Variants in MARK1 observed in about 807,000 individuals in gnomAD.
The protein encoded by MARK1 is serine/threonine-protein kinase MARK1.
In MARK1, 40 loss-of-function variants were observed where a neutral mutation model predicts 96.3. The observed-to-expected ratio is 0.42, with a 90% CI of 0.32 to 0.54. The LOEUF (loss-of-function observed/expected upper bound fraction) is 0.54, where lower values mean the gene tolerates loss of function less well. MARK1 is among the 20% of genes least tolerant of loss of function. The pLI is 0.16. For missense variants in MARK1, 719 were observed against 984.6 expected (o/e 0.73, Z 3.61); for synonymous variants, 317 against 341.2 (o/e 0.93, Z 0.78).
chr1:220,664,450 A>G lies in MARK1; in HGVS notation c.*2284A>G, dbSNP rs1669636378. On this transcript the variant is annotated 3_prime_UTR_variant, in exon 18 of 18. Coordinates refer to ENST00000366917, the MANE Select transcript of MARK1 (RefSeq NM_018650.5). ...TGACATCCCTTATATTAAATTAATT[A>G]TTTTGTAGAAACTGGGGCACAGCAT... 4 of 152,116 alleles carry G rather than the reference A, an allele frequency of 2.6e-5. No individual in the cohort carries two copies. Among genetic ancestry groups the G allele is most frequent in the Admixed American group, 2.6e-4 (4 of 15,292 alleles). 9.4% of individuals were successfully genotyped at this position (152,116 alleles called of 1,614,324 possible).
intron 3 of MARK1, among the ~76,000 whole-genome samples, chr1:220,592,962 A>T (rs1342595337): frequency 6.6e-6 from 1 of 152,222 alleles, no homozygotes; most frequent in Non-Finnish European, 1.5e-5. Context: ...AAATAAATAA[A>T]ATTTTAACAA....
chr1:220,552,859 C>T (rs1197522545), intron 1 of MARK1, among the ~76,000 whole-genome samples: 1 of 152,188 alleles, frequency 6.6e-6, no homozygotes, highest in Admixed American at 6.5e-5. Flanking sequence ...ACTCCACCCC[C>T]TGCCGCCTGC....
intron 1 of MARK1, among the ~76,000 whole-genome samples, chr1:220,544,405 G>A (rs1223843415): frequency 6.6e-6 from 1 of 152,154 alleles, no homozygotes; most frequent in South Asian, 2.1e-4. Flanking sequence ...TCTCGATAGT[G>A]GGTTGTTATA....
At chr1:220,598,665 T>A (rs12076169) in intron 4 of MARK1, among the ~76,000 whole-genome samples, 6,553 of 151,994 alleles carry the variant, frequency 0.043, 445 homozygotes, top group African/African-American at 0.15. Context: ...CAATTTTTTT[T>A]AATTTCCTAA....
intron 1 of MARK1, among the ~76,000 whole-genome samples, chr1:220,535,626 C>T (rs1660633412): frequency 6.6e-6 from 1 of 152,104 alleles, no homozygotes; most frequent in African/African-American, 2.4e-5. Flanking sequence ...ATGTTTTCTT[C>T]TAGGGATTTT....
chr1:220,554,285 C>G (rs1020909170), intron 1 of MARK1, among the ~76,000 whole-genome samples: 3 of 152,086 alleles, frequency 2.0e-5, no homozygotes, highest in Non-Finnish European at 4.4e-5. Flanking sequence ...GTGTGATTTC[C>G]TATAGAAGGA....
intron 6 of MARK1, 26 bp downstream of exon 6, chr1:220,604,163 T>C (rs1426439331): frequency 6.5e-7 from 1 of 1,533,856 alleles, no homozygotes; most frequent in South Asian, 1.1e-5. Flanking sequence ...TTCAACTTTG[T>C]TTTGCTGATA....
intron 6 of MARK1, among the ~76,000 whole-genome samples, chr1:220,609,679 G>T (rs1394341299): frequency 6.6e-6 from 1 of 152,180 alleles, no homozygotes; most frequent in Non-Finnish European, 1.5e-5. Flanking sequence ...GCATGTTTTT[G>T]TAGTGGCTGG....
chr1:220,579,808 A>C (rs1443475773), intron 2 of MARK1, among the ~76,000 whole-genome samples: 1 of 152,198 alleles, frequency 6.6e-6, no homozygotes, highest in Non-Finnish European at 1.5e-5. Context: ...CTTTCCTCAG[A>C]TTCTGACTTT....
rs760851415 is a variant in MARK1 at position 220,654,987 on chromosome 1, G to T, written c.1988+1635G>T. On this transcript the variant is annotated intron_variant, in intron 16 of 17. Transcript: ENST00000366917. This position sits in a 1 kb window ranked among gnomAD's most constrained non-coding sequence, Gnocchi z 4.0. ...ACACATATGTGGAGACCTACTACAC[G>T]CAAGGCCCTTTTGTAGGAGCTATTG... Among the ~76,000 whole-genome samples the T allele has an allele frequency of 6.6e-6, 1 of 152,198 alleles. No homozygotes were observed. The highest frequency in any genetic ancestry group is 2.4e-5 in the African/African-American group (1 of 41,444).
Position 220,580,775 on chromosome 1 carries a change from G to A in MARK1, c.256-290G>A, listed in dbSNP as rs150116716. The stretch of plus-strand genomic sequence containing the variant: ...CCTATAATTGTTGCTTATCAAGATC[G>A]TGAGTAAAAGGTTAAGATACAGGAT... On this transcript the variant is annotated intron_variant, in intron 2 of 17. Transcript: ENST00000366917. Among the ~76,000 whole-genome samples the A allele has an allele frequency of 3.7e-3, 568 of 152,276 alleles. 6 individuals carry two copies. Among genetic ancestry groups the A allele is most frequent in the Middle Eastern group, 0.034 (10 of 294 alleles).
At chr1:220,591,729 G>A (rs1223596504) in intron 3 of MARK1, among the ~76,000 whole-genome samples, 1 of 152,020 alleles carries the variant, frequency 6.6e-6, no homozygotes, top group East Asian at 1.9e-4. Context: ...TTTCATGTAG[G>A]GCCAAAGCTT....
chr1:220,605,481 ATTTATTTTATTTTAT>A (rs368555141), intron 6 of MARK1, among the ~76,000 whole-genome samples: 15 of 151,202 alleles, frequency 9.9e-5, no homozygotes, highest in Admixed American at 3.9e-4. Flanking sequence ...TTAAATTTTT[ATTTATTTTATTTTAT>A]TTTATTTTAT....
At chr1:220,540,729 T>TC (rs397786271) in intron 1 of MARK1, among the ~76,000 whole-genome samples, 2 of 151,958 alleles carry the variant, frequency 1.3e-5, no homozygotes, top group East Asian at 1.9e-4. Context: ...TATCTTTTTT[T>TC]CTTAGTCAAA....
chr1:220,540,532 GC>G (rs1401977118), intron 1 of MARK1, among the ~76,000 whole-genome samples: 1 of 152,054 alleles, frequency 6.6e-6, no homozygotes, highest in African/African-American at 2.4e-5. Flanking sequence ...GCATTCCTCA[GC>G]CCAGTCAAAT....
intron 1 of MARK1, among the ~76,000 whole-genome samples, chr1:220,541,085 A>T (rs1485138855): frequency 6.6e-6 from 1 of 151,912 alleles, no homozygotes; most frequent in African/African-American, 2.4e-5. Context: ...GGTGCCTGCC[A>T]CCATACCTGG....
intron 1 of MARK1, among the ~76,000 whole-genome samples, chr1:220,567,873 C>T (rs1663168411): frequency 6.6e-6 from 1 of 152,162 alleles, no homozygotes; most frequent in Non-Finnish European, 1.5e-5. Flanking sequence ...AGCTTATCCT[C>T]TTAATTACCA....
At chr1:220,624,061 G>T (rs1572192075) in intron 9 of MARK1, among the ~76,000 whole-genome samples, 2 of 152,140 alleles carry the variant, frequency 1.3e-5, no homozygotes, top group Non-Finnish European at 2.9e-5. Flanking sequence ...ACTTTGGGAG[G>T]CCCAAGGGGG....
chr1:220,642,832 G>A (rs747445751), intron 13 of MARK1, among the ~76,000 whole-genome samples: 3 of 152,176 alleles, frequency 2.0e-5, no homozygotes, highest in Non-Finnish European at 4.4e-5. Context: ...ACGGTCTGGA[G>A]TGGACCCCCA....
Sources: gnomAD v4.1 joint callset for allele counts (sites outside exome capture counted in the v4.1 genomes callset) on GRCh38, gnomAD v4.1.1 for gene constraint, Gnocchi (gnomAD v3.1) non-coding constraint, MANE v1.5 for transcripts, NCBI Gene and HGNC (gene_info 2026-07-23, HGNC 2026-07-21) for gene names.